Variants in OSBPL1A observed in about 807,000 individuals in gnomAD.
OSBPL1A encodes the protein oxysterol binding protein like 1A, also known as oxysterol-binding protein-related protein 1.
In OSBPL1A, 80 loss-of-function variants were observed where a neutral mutation model predicts 137.1. The observed-to-expected ratio is 0.58, with a 90% confidence interval of 0.49 to 0.70. The LOEUF (loss-of-function observed/expected upper bound fraction) is 0.70. Among genes scored for constraint, OSBPL1A ranks in the 30% least tolerant of loss-of-function variants. OSBPL1A has a pLI of 0.00. For synonymous variants in OSBPL1A, 365 were observed against 389.7 expected, an observed-to-expected ratio of 0.94 and a Z score of 0.75; for missense variants, 970 against 1,129.4, an observed-to-expected ratio of 0.86 and a Z score of 2.02.
chr18:24,315,538 C>A (rs2090703116), intron 11 of OSBPL1A, among the ~76,000 whole-genome samples: 1 of 146,026 alleles, frequency 6.8e-6, no homozygotes, highest in African/African-American at 2.5e-5. Flanking sequence ...ATCTCCAGAA[C>A]TCAACATTCA....
rs1000112138 is a variant in OSBPL1A at position 24,264,643 on chromosome 18, G to A, written c.1281+16199C>T. On this transcript the variant is annotated intron_variant, in intron 15 of 27. Transcript: ENST00000319481. ...TGAGAACCTGGAACACAGGTATTCT[G>A]TGCAAAATCAGAAGATATTTCAATA... Among the ~76,000 whole-genome samples the A allele has an allele frequency of 2.6e-5, 4 of 152,208 alleles. No homozygotes were observed. In the East Asian group the frequency reaches 5.8e-4, roughly 22 times the overall value.
At chr18:24,392,108 A>G (rs1315725989) in intron 1 of OSBPL1A, among the ~76,000 whole-genome samples, 1 of 152,108 alleles carries the variant, frequency 6.6e-6, no homozygotes, top group Non-Finnish European at 1.5e-5. Context: ...TGTCCACCTC[A>G]GCCTCCCAAA....
At chr18:24,250,093 T>C (rs275863) in intron 15 of OSBPL1A, among the ~76,000 whole-genome samples, 152,103 of 152,118 alleles carry the variant, frequency 1, 76,044 homozygotes, top group Middle Eastern at 1. Context: ...CAAGATAGGA[T>C]GCTGGGCAGA....
intron 15 of OSBPL1A, among the ~76,000 whole-genome samples, chr18:24,280,075 T>C (rs2089926714): frequency 6.6e-6 from 1 of 151,980 alleles, no homozygotes; most frequent in Non-Finnish European, 1.5e-5. Context: ...GCCTCCCAAG[T>C]AGCTGGATTG....
intron 7 of OSBPL1A, among the ~76,000 whole-genome samples, chr18:24,328,118 T>G (rs2091012524): frequency 6.9e-6 from 1 of 145,694 alleles, no homozygotes; most frequent in South Asian, 2.2e-4. Flanking sequence ...CTTGGCTCAC[T>G]GCAACCTTCA....
At chr18:24,298,567 G>A (rs546288260) in intron 14 of OSBPL1A, among the ~76,000 whole-genome samples, 17 of 152,280 alleles carry the variant, frequency 1.1e-4, no homozygotes, top group African/African-American at 3.8e-4. Flanking sequence ...GGATGGTCTC[G>A]ATCTCCGGAC....
chr18:24,292,485 T>C (rs2146088454), intron 14 of OSBPL1A, among the ~76,000 whole-genome samples: 1 of 152,246 alleles, frequency 6.6e-6, no homozygotes, highest in Non-Finnish European at 1.5e-5. Flanking sequence ...TTAAGCTAGA[T>C]AAGTAGGTCA....
chr18:24,175,556 T>C (rs756729146), intron 21 of OSBPL1A, among the ~76,000 whole-genome samples: 12 of 152,224 alleles, frequency 7.9e-5, no homozygotes, highest in Non-Finnish European at 1.2e-4. Context: ...TTGTTGGCTA[T>C]ATGATTTGCA....
chr18:24,277,415 G>A lies in OSBPL1A; in HGVS notation c.1281+3427C>T, dbSNP rs529143984. Among the ~76,000 whole-genome samples, 23 of 152,328 alleles carry A rather than the reference G, an allele frequency of 1.5e-4. 1 individual carries two copies. The East Asian group carries it at 4.0e-3, about 27-fold the overall frequency. On this transcript the variant is annotated intron_variant, in intron 15 of 27. Transcript: ENST00000319481. ...TAAAAACAGCGTTGCTGCTGTGGGGGCTGGGGTCACTTACATCTACTGGAT... is the reference window on the plus strand; with the variant it reads ...TAAAAACAGCGTTGCTGCTGTGGGGACTGGGGTCACTTACATCTACTGGAT...
At position 24,303,645 on chromosome 18, in the gene OSBPL1A, A is replaced by G. The variant is rs143036320; in HGVS notation, c.1166T>C (p.Met389Thr). Residue 389 changes from methionine to threonine, a missense_variant, in exon 14 of 28, where the codon ATG becomes ACG. This residue lies in a region of OSBPL1A where 647 missense variants were observed against 672.6 expected (regional missense o/e 0.96). Transcript: ENST00000319481. ...AGTGCTTGTCTTTTTACCTTTAGCC[A>G]TGTCACACTCCTTAATCATTTTGAG... ...NFLKMIKECD[M>T]AKEMLPSFLQ... is the part of the protein sequence containing the mutation. The G allele has an allele frequency of 2.2e-5, 35 of 1,612,436 alleles. No homozygotes were observed. The African/African-American group carries it at 3.9e-4, about 18-fold the overall frequency.
chr18:24,321,459 G>C (rs2090855815), intron 7 of OSBPL1A, among the ~76,000 whole-genome samples: 1 of 152,126 alleles, frequency 6.6e-6, no homozygotes, highest in Non-Finnish European at 1.5e-5. Context: ...ATCACACCTG[G>C]CTAATTTTTG....
intron 5 of OSBPL1A, among the ~76,000 whole-genome samples, chr18:24,338,787 C>T (rs2091224911): frequency 6.6e-6 from 1 of 152,200 alleles, no homozygotes; most frequent in Admixed American, 6.5e-5. Context: ...AATCTCGGCT[C>T]ACTGCAACCT....
At chr18:24,200,142 T>C (rs1336268146) in intron 17 of OSBPL1A, among the ~76,000 whole-genome samples, 1 of 152,264 alleles carries the variant, frequency 6.6e-6, no homozygotes, top group Non-Finnish European at 1.5e-5. Flanking sequence ...ATCCAGTGTG[T>C]ATCCTACACT....
rs532882491 is a variant in OSBPL1A, at chr18:24,315,996, C to T, written c.870+1153G>A. The stretch of plus-strand genomic sequence containing the variant: ...GACATACGGGCTGGGTGCGGTGTCT[C>T]ATGCCTATAATCCCAGCACTTTGGT... On this transcript the variant is annotated intron_variant, in intron 11 of 27. Transcript: ENST00000319481. 2.9e-4 allele frequency among the ~76,000 whole-genome samples: 43 copies of T among 148,854 alleles called. 1 individual carries two copies. The South Asian group carries it at 8.2e-3, about 28-fold the overall frequency.
rs538572625 is a variant in OSBPL1A at position 24,280,432 on chromosome 18, T to G, written c.1281+410A>C. On this transcript the variant is annotated intron_variant, in intron 15 of 27. Transcript: ENST00000319481. ...GGCAAACTGTTGAAGGGTAAGAGAG[T>G]GAGGGGAAAGAACACAAAAAATATT... is the stretch of plus-strand genomic sequence containing the variant. Among the ~76,000 whole-genome samples, 63 of 152,162 alleles carry G rather than the reference T, an allele frequency of 4.1e-4. 2 individuals carry two copies. In the South Asian group the frequency reaches 0.013, roughly 31 times the overall value.
At chr18:24,255,542 T>A (rs1246036717) in intron 15 of OSBPL1A, among the ~76,000 whole-genome samples, 2 of 152,028 alleles carry the variant, frequency 1.3e-5, no homozygotes, top group Admixed American at 1.3e-4. Context: ...AATGAAACCA[T>A]TTGTCTCTTA....
intron 15 of OSBPL1A, among the ~76,000 whole-genome samples, chr18:24,253,867 G>A (rs1599568580): frequency 6.6e-6 from 1 of 152,192 alleles, no homozygotes; most frequent in South Asian, 2.1e-4. Context: ...GACTCTTGGA[G>A]CCAGAGGCTG....
chr18:24,321,487 G>T (rs2090856617), intron 7 of OSBPL1A, among the ~76,000 whole-genome samples: 1 of 152,132 alleles, frequency 6.6e-6, no homozygotes, highest in Admixed American at 6.5e-5. Flanking sequence ...TTGTAGGAAT[G>T]GGGTTTCACC....
intron 7 of OSBPL1A, among the ~76,000 whole-genome samples, chr18:24,325,563 C>A (rs984405159): frequency 1.1e-4 from 17 of 152,272 alleles, no homozygotes; most frequent in African/African-American, 3.4e-4. Flanking sequence ...TTCTAAGATA[C>A]CCCCCATCCT....
Sources: allele counts gnomAD v4.1 joint callset (sites outside exome capture counted in the v4.1 genomes callset), GRCh38; gene constraint gnomAD v4.1.1; regional missense constraint gnomAD v4.1.1; transcripts MANE v1.5; gene names NCBI Gene and HGNC (gene_info 2026-07-23, HGNC 2026-07-21).